The following MMP12 variants were observed in gnomAD, a reference collection of about 807,000 sequenced individuals.
MMP12 encodes matrix metallopeptidase 12, also known as macrophage metalloelastase.
Under a neutral mutation model 45.2 loss-of-function variants are expected in MMP12, and 51 were observed. The ratio of observed to expected loss-of-function variants is 1.13; its 90% confidence interval spans 0.90 to 1.42. The LOEUF (loss-of-function observed/expected upper bound fraction) is 1.42, where lower values mean the gene tolerates loss of function less well. Among genes scored for constraint, MMP12 ranks in the 40% most tolerant of loss-of-function variants. The pLI is 0.00. For synonymous variants in MMP12, 210 were observed against 193.3 expected, an observed-to-expected ratio of 1.09 and a Z score of -0.72; for missense variants, 530 against 570.8, an observed-to-expected ratio of 0.93 and a Z score of 0.73.
At chr11:102,873,210 G>A (rs901609244) in intron 1 of MMP12, 98 bp from the exon 2 acceptor site, 1 of 1,072,378 alleles carries the variant, frequency 9.3e-7, no homozygotes, top group Non-Finnish European at 1.3e-6. Context: ...GATGCTTTTG[G>A]ACCAGGAATT....
At chr11:102,866,474 G>A in intron 6 of MMP12, 26 bp from the exon 7 acceptor site, 1 of 1,607,420 alleles carries the variant, frequency 6.2e-7, no homozygotes, top group Non-Finnish European at 8.5e-7. Flanking sequence ...TTTGACACAT[G>A]TTAAAAGACA....
intron 2 of MMP12, 65 bp downstream of exon 2, chr11:102,872,800 G>T (rs1054640898): frequency 6.4e-7 from 1 of 1,560,162 alleles, no homozygotes; most frequent in Non-Finnish European, 8.7e-7. Flanking sequence ...TGTCTAACTG[G>T]TTCAGGTTAG....
intron 4 of MMP12, among the ~76,000 whole-genome samples, chr11:102,869,161 C>T (rs1418937407): frequency 6.6e-6 from 1 of 152,130 alleles, no homozygotes; most frequent in East Asian, 1.9e-4. Flanking sequence ...TCATTTTTGT[C>T]TTTTTCTATG....
rs1245395078 is a variant in MMP12, at chr11:102,865,109, G to T, written c.1205+667C>A. On this transcript the variant is annotated intron_variant, in intron 8 of 9. Transcript: ENST00000571244. This position sits in a 1 kb window ranked among gnomAD's most constrained non-coding sequence, Gnocchi z 4.1. Reference sequence around the variant, plus strand: ...AGTCATAAGCATCCGGTATTCAATTGGAATTAGATATTGTGTTTTAAATGC... The same window carrying T: ...AGTCATAAGCATCCGGTATTCAATTTGAATTAGATATTGTGTTTTAAATGC... Among the ~76,000 whole-genome samples, 1 of 150,414 alleles carries T rather than the reference G, an allele frequency of 6.6e-6. No homozygotes were observed. The highest frequency in any genetic ancestry group is 1.9e-4 in the East Asian group (1 of 5,202).
Position 102,874,800 on chromosome 11 carries a change from A to G in MMP12, c.102+36T>C, listed in dbSNP as rs565440725. 36 of 1,318,892 alleles carry G rather than the reference A, an allele frequency of 2.7e-5. 1 individual carries two copies. In the South Asian group the frequency reaches 4.0e-4, roughly 15 times the overall value. 81.7% of individuals were successfully genotyped at this position (1,318,892 alleles called of 1,614,324 possible). On this transcript the variant is annotated intron_variant, in intron 1 of 9. Coordinates refer to ENST00000571244, the MANE Select transcript of MMP12 (RefSeq NM_002426.6). ...ATGCAATTAAATCTTAAAGACAAAC[A>G]TCAAGCTCGATAAATACTGTAGTGT...
intron 4 of MMP12, among the ~76,000 whole-genome samples, chr11:102,868,361 T>C (rs1859434717): frequency 1.3e-5 from 2 of 152,154 alleles, no homozygotes; most frequent in South Asian, 4.1e-4. Flanking sequence ...GATATCTCCT[T>C]GGGGACAAAA....
At chr11:102,867,882 G>T in intron 5 of MMP12, 26 bp downstream of exon 5, 1 of 1,590,682 alleles carries the variant, frequency 6.3e-7, no homozygotes, top group African/African-American at 1.3e-5. Context: ...TCTTTATATG[G>T]CAAAATGATA....
Position 102,874,849 on chromosome 11 carries a change from A to T in MMP12, c.89T>A (p.Val30Glu). ...GTCCATACTTACTTCACCAAATAGC[A>T]CATTATTTTTTTCCAGGCTTGTAGA... Reference protein sequence around the residue: ...NSSTSLEKNNVLFGERYLEKF... With the variant: ...NSSTSLEKNNELFGERYLEKF... The change falls in exon 1 of 10, where the codon GTG becomes GAG. Residue 30 changes from valine to glutamate, a missense_variant. Transcript: ENST00000571244. The T allele has an allele frequency of 6.2e-7, 1 of 1,600,852 alleles. No individual in the cohort carries two copies. The highest frequency in any genetic ancestry group is 1.3e-5 in the African/African-American group (1 of 74,904).
rs533500838 is a variant in MMP12 at position 102,872,847 on chromosome 11, G to A, written c.350+18C>T. The A allele has an allele frequency of 7.4e-6, 12 of 1,612,076 alleles. No individual in the cohort carries two copies. Among genetic ancestry groups the A allele is most frequent in the Middle Eastern group, 1.6e-4 (1 of 6,076 alleles). On this transcript the variant is annotated intron_variant, in intron 2 of 9. Coordinates refer to ENST00000571244, the MANE Select transcript of MMP12 (RefSeq NM_002426.6). ...ATGGGAAAGTAGAAAAATACAGGGC[G>A]ACATACACCAACGTTACCTGTAGGT... is the stretch of plus-strand genomic sequence containing the variant.
At chr11:102,866,097 T>C (rs1037095549) in intron 7 of MMP12, among the ~76,000 whole-genome samples, 162 bp from the exon 8 acceptor site, 2 of 152,210 alleles carry the variant, frequency 1.3e-5, no homozygotes, top group Non-Finnish European at 2.9e-5. Flanking sequence ...TGGTTTTTTT[T>C]CACAAGTATT....
At chr11:102,869,252 C>A (rs1441399738) in intron 4 of MMP12, among the ~76,000 whole-genome samples, 4 of 151,820 alleles carry the variant, frequency 2.6e-5, no homozygotes, top group Admixed American at 2.6e-4. Context: ...GAATACTCTC[C>A]CATACCCAAG....
intron 6 of MMP12, among the ~76,000 whole-genome samples, chr11:102,866,659 T>C (rs537242964): frequency 6.6e-6 from 1 of 152,302 alleles, no homozygotes; most frequent in East Asian, 1.9e-4. Context: ...CAATCTGGTA[T>C]ACAGAAATAC....
intron 4 of MMP12, among the ~76,000 whole-genome samples, chr11:102,870,597 G>C (rs567955847): frequency 1.1e-4 from 17 of 152,146 alleles, no homozygotes; most frequent in Non-Finnish European, 2.1e-4. Context: ...AATTAAGAAG[G>C]CTTCTGTCAT....
intron 7 of MMP12, 128 bp from the exon 8 acceptor site, chr11:102,866,063 A>G: frequency 1.1e-6 from 1 of 885,190 alleles, no homozygotes; most frequent in South Asian, 2.1e-5. Context: ...GATCTTAAAC[A>G]TAGTCTCTTT....
chr11:102,873,857 T>C (rs1859546011), intron 1 of MMP12, among the ~76,000 whole-genome samples: 1 of 150,936 alleles, frequency 6.6e-6, no homozygotes, highest in Non-Finnish European at 1.5e-5. Flanking sequence ...GGTGAAACCC[T>C]GTCTCTACTA....
intron 4 of MMP12, among the ~76,000 whole-genome samples, chr11:102,870,635 A>T (rs576114682): frequency 6.6e-6 from 1 of 152,166 alleles, no homozygotes; most frequent in Admixed American, 6.5e-5. Flanking sequence ...CATGCTAGTG[A>T]TTCCTCTAAA....
Position 102,874,855 on chromosome 11 carries a change from T to C in MMP12, c.83A>G (p.Asn28Ser), listed in dbSNP as rs782391556. The C allele has an allele frequency of 1.1e-5, 17 of 1,601,748 alleles. No individual in the cohort carries two copies. The Middle Eastern group carries it at 2.0e-3, about 187-fold the overall frequency. ...ACTTACTTCACCAAATAGCACATTA[T>C]TTTTTTCCAGGCTTGTAGAGCTGTT... ...PLNSSTSLEK[N>S]NVLFGERYLE... The change falls in exon 1 of 10, where the codon AAT (asparagine) becomes AGT (serine). Residue 28 changes from asparagine to serine, a missense_variant. By Grantham distance (46) the Asn-to-Ser change is conservative. Transcript: ENST00000571244.
In MMP12 at chr11:102,871,913, A is replaced by G. The variant is rs925835103; in HGVS notation, c.390T>C (p.Val130=). The change falls in exon 3 of 10, where the codon GTT becomes GTC. Residue 130 remains valine (V), a synonymous_variant. Coordinates refer to ENST00000571244, the MANE Select transcript of MMP12 (RefSeq NM_002426.6). ...NYTPDMNRED[V]DYAIRKAFQV... ...GGAAAGCTTTCCGGATTGCGTAGTC[A>G]ACATCCTCACGGTTCATGTCAGGTG... 3.7e-6 allele frequency: 6 copies of G among 1,613,544 alleles called. No homozygotes were observed. The highest frequency in any genetic ancestry group is 3.3e-5 in the Admixed American group (2 of 59,982).
At chr11:102,868,783 TAA>T (rs1555008980) in intron 4 of MMP12, among the ~76,000 whole-genome samples, 2 of 151,868 alleles carry the variant, frequency 1.3e-5, no homozygotes, top group East Asian at 1.9e-4. Context: ...TAAATAAAAT[TAA>T]AGAGTCTATA....
Sources: allele counts gnomAD v4.1 joint callset (sites outside exome capture counted in the v4.1 genomes callset), GRCh38; gene constraint gnomAD v4.1.1; non-coding constraint Gnocchi (gnomAD v3.1); transcripts MANE v1.5; gene names NCBI Gene and HGNC (gene_info 2026-07-23, HGNC 2026-07-21).